PARP15: variants seen among roughly 807,000 people sequenced by gnomAD.
PARP15 encodes the protein poly(ADP-ribose) polymerase family member 15, also known as protein mono-ADP-ribosyltransferase PARP15.
A neutral mutation model predicts 62.1 loss-of-function variants in PARP15; 50 were observed. The observed-to-expected ratio is 0.81, with a 90% CI of 0.64 to 1.02. The LOEUF (loss-of-function observed/expected upper bound fraction) is 1.02. PARP15 is among the 50% of genes least tolerant of loss of function. PARP15 has a pLI of 0.00. For synonymous variants in PARP15, 309 were observed against 293.1 expected (o/e 1.05, Z -0.55); for missense variants, 820 against 826.5 (o/e 0.99, Z 0.10).
intron 8 of PARP15, among the ~76,000 whole-genome samples, chr3:122,625,317 G>T (rs1427656383): frequency 1.3e-5 from 2 of 152,040 alleles, no homozygotes; most frequent in South Asian, 4.1e-4. Flanking sequence ...TCAGTGGCAC[G>T]ATCTTGGCTC....
chr3:122,598,109 A>G (rs1689849363), intron 1 of PARP15, among the ~76,000 whole-genome samples: 1 of 152,114 alleles, frequency 6.6e-6, no homozygotes, highest in South Asian at 2.1e-4. Flanking sequence ...TAGTGGTTAG[A>G]GCTTGGCTCT....
chr3:122,583,581 A>G (rs1171731388), intron 1 of PARP15, among the ~76,000 whole-genome samples: 2 of 152,186 alleles, frequency 1.3e-5, no homozygotes, highest in African/African-American at 4.8e-5. Context: ...CACTTTAACA[A>G]ATATTCTTGA....
At chr3:122,581,597 T>C (rs916678131) in intron 1 of PARP15, among the ~76,000 whole-genome samples, 1 of 152,236 alleles carries the variant, frequency 6.6e-6, no homozygotes, top group Non-Finnish European at 1.5e-5. Context: ...ATCAGGTTTT[T>C]GTTGAAGTTG....
At chr3:122,604,879 TAC>T (rs1458227563) in intron 1 of PARP15, among the ~76,000 whole-genome samples, 3 of 139,376 alleles carry the variant, frequency 2.2e-5, no homozygotes, top group African/African-American at 8.2e-5. Flanking sequence ...AGAAAAAAAA[TAC>T]AGAAATTAGC....
chr3:122,612,375 T>A (rs941097665), intron 3 of PARP15, among the ~76,000 whole-genome samples: 4 of 152,066 alleles, frequency 2.6e-5, no homozygotes, highest in African/African-American at 9.7e-5. Flanking sequence ...TCTCTTTTTT[T>A]TTTTTTTGAA....
intron 4 of PARP15, chr3:122,615,179 T>C: frequency 8.1e-7 from 1 of 1,231,392 alleles, no homozygotes; most frequent in Non-Finnish European, 1.0e-6. Flanking sequence ...CGCCCATTGC[T>C]CAATTTTATC....
chr3:122,606,096 G>C (rs1253474903), intron 2 of PARP15, 41 bp downstream of exon 2: 22 of 1,533,050 alleles, frequency 1.4e-5, no homozygotes, highest in Non-Finnish European at 1.8e-5. Flanking sequence ...GGAACAGTGG[G>C]ATCTATTTAA....
At chr3:122,602,602 C>T (rs1012698505) in intron 1 of PARP15, among the ~76,000 whole-genome samples, 2 of 152,192 alleles carry the variant, frequency 1.3e-5, no homozygotes, top group Admixed American at 6.5e-5. Context: ...TCAATTATAG[C>T]ACAAAATTGT....
intron 1 of PARP15, among the ~76,000 whole-genome samples, chr3:122,587,163 T>C (rs1470136281): frequency 1.3e-5 from 2 of 152,252 alleles, no homozygotes; most frequent in Non-Finnish European, 2.9e-5. Flanking sequence ...GTCCCTTGTT[T>C]GAATGTACTG....
In PARP15 at chr3:122,627,106, T is replaced by G. The variant is rs894842462; in HGVS notation, c.1438+73T>G. On this transcript the variant is annotated intron_variant, in intron 9 of 11. Transcript: ENST00000464300. ...CTTAGAAAATGTTTAAGTGTGAATG[T>G]ACACTGAGTTTATAGTTTTCTATTC... 6.6e-6 allele frequency: 8 copies of G among 1,218,192 alleles called. No homozygotes were observed. The Admixed American group carries it at 1.5e-4, about 24-fold the overall frequency. The allele number at this position is 1,218,192 out of a possible 1,614,324, so 75.5% of individuals were successfully genotyped here.
At position 122,577,722 on chromosome 3, in the gene PARP15, C is replaced by G; in HGVS notation, c.55C>G (p.Pro19Ala). 2 of 1,551,694 alleles carry G rather than the reference C, an allele frequency of 1.3e-6. No homozygotes were observed. Among genetic ancestry groups the G allele is most frequent in the East Asian group, 2.4e-5 (1 of 40,914 alleles). The part of the protein sequence containing the change: ...AAALSPGAPT[P>A]RELMHGVAGV... ...TGCTCTGAGTCCAGGGGCTCCGACC[C>G]CCAGAGAACTTATGCACGGAGTTGC... Residue 19 changes from proline to alanine, a missense_variant, in exon 1 of 12, where the codon CCC becomes GCC. Physicochemically the swap from Pro to Ala is conservative, Grantham distance 27. Around this residue, in one of 3 missense-constraint regions of PARP15, gnomAD observed 731 missense variants for 727.7 expected, o/e 1.00. Transcript: ENST00000464300.
chr3:122,593,719 C>T (rs997299743), intron 1 of PARP15, among the ~76,000 whole-genome samples: 2 of 151,970 alleles, frequency 1.3e-5, no homozygotes, highest in African/African-American at 4.8e-5. Context: ...GTGTTCACTC[C>T]CTCAGCCTTT....
At chr3:122,625,530 A>C (rs1262340566) in intron 8 of PARP15, among the ~76,000 whole-genome samples, 1 of 152,220 alleles carries the variant, frequency 6.6e-6, no homozygotes, top group African/African-American at 2.4e-5. Context: ...CTGGGATTAC[A>C]GGCGTGAGCA....
chr3:122,626,011 A>C (rs948467133), intron 8 of PARP15, among the ~76,000 whole-genome samples: 7 of 152,186 alleles, frequency 4.6e-5, no homozygotes, highest in African/African-American at 1.7e-4. Context: ...GGAGAGTGTT[A>C]GAAAGGACTT....
intron 1 of PARP15, among the ~76,000 whole-genome samples, chr3:122,587,498 G>A (rs987001687): frequency 2.0e-5 from 3 of 152,092 alleles, no homozygotes; most frequent in South Asian, 2.1e-4. Flanking sequence ...TCTAACAGGC[G>A]TATAGGGTAG....
intron 1 of PARP15, among the ~76,000 whole-genome samples, chr3:122,586,225 C>T (rs1933414996): frequency 4.0e-5 from 1 of 25,168 alleles, no homozygotes; most frequent in Non-Finnish European, 1.1e-4. Flanking sequence ...ATATGTTAAA[C>T]GTATTTTTTT....
At chr3:122,596,849 G>A (rs998173194) in intron 1 of PARP15, among the ~76,000 whole-genome samples, 1 of 152,168 alleles carries the variant, frequency 6.6e-6, no homozygotes, top group South Asian at 2.1e-4. Flanking sequence ...GAGAACACTG[G>A]GGGAAAAGTC....
intron 2 of PARP15, among the ~76,000 whole-genome samples, chr3:122,606,539 C>T (rs924412585): frequency 6.6e-6 from 1 of 152,212 alleles, no homozygotes; most frequent in Admixed American, 6.5e-5. Context: ...TACCCCTCCT[C>T]TCCTACTGTT....
chr3:122,587,523 G>T (rs955928336), intron 1 of PARP15, among the ~76,000 whole-genome samples: 1 of 152,012 alleles, frequency 6.6e-6, no homozygotes, highest in African/African-American at 2.4e-5. Context: ...TTGTTGTTTT[G>T]TTTTTATTTT....
Sources: allele counts gnomAD v4.1 joint callset (sites outside exome capture counted in the v4.1 genomes callset), GRCh38; gene constraint gnomAD v4.1.1; regional missense constraint gnomAD v4.1.1; transcripts MANE v1.5; gene names NCBI Gene and HGNC (gene_info 2026-07-23, HGNC 2026-07-21).